The following GRTP1 variants were observed in gnomAD, a reference collection of about 807,000 sequenced individuals.
The protein encoded by GRTP1 is growth hormone-regulated TBC protein 1.
In GRTP1, 56 loss-of-function variants were observed where a neutral mutation model predicts 38.1. That is an observed-to-expected ratio of 1.47 (90% confidence interval 1.19 to 1.84). The LOEUF (loss-of-function observed/expected upper bound fraction) is 1.84, where lower values mean the gene tolerates loss of function less well. Ranked by LOEUF, GRTP1 falls within the 40% of genes most tolerant of loss-of-function variation. The pLI is 0.00. For missense variants in GRTP1, 506 were observed against 453.9 expected (o/e 1.11, Z -1.04); for synonymous variants, 217 against 189.5 (o/e 1.14, Z -1.19).
intron 7 of GRTP1, 153 bp downstream of exon 7, chr13:113,325,508 G>A: frequency 6.7e-7 from 1 of 1,497,944 alleles, no homozygotes; most frequent in Non-Finnish European, 8.9e-7. Flanking sequence ...CAGGCGCAGG[G>A]GGCAGATGCA....
At chr13:113,355,055 C>G (rs1204615996) in intron 3 of GRTP1, 1 of 363,396 alleles carries the variant, frequency 2.8e-6, no homozygotes, top group Non-Finnish European at 5.0e-6. Context: ...CTCCCTGTCC[C>G]GCGAGTCTTC....
rs1555319060 is a variant in GRTP1, at chr13:113,352,384, A to ATG, written c.341-1412_341-1411insCA. On this transcript the variant is annotated intron_variant, in intron 3 of 7. Coordinates refer to ENST00000375431, the MANE Select transcript of GRTP1 (RefSeq NM_024719.4). ...TTTATATATATATATATATTTATAT[A>ATG]TATATTTAACACAGGGTCTCACTCT... 1.7e-4 allele frequency among the ~76,000 whole-genome samples: 22 copies of ATG among 130,872 alleles called. No individual in the cohort carries two copies. The Admixed American group carries it at 1.9e-3, about 11-fold the overall frequency. 85.9% of individuals were successfully genotyped at this position (130,872 alleles called of 152,430 possible).
In GRTP1 at chr13:113,363,856, C is replaced by G; in HGVS notation, c.87G>C (p.Glu29Asp). The change falls in exon 2 of 8, where the codon GAG (glutamate) becomes GAC (aspartate). Residue 29 changes from glutamate to aspartate, a missense_variant. Coordinates refer to ENST00000375431, the MANE Select transcript of GRTP1 (RefSeq NM_024719.4). ...TGACCAGGTAGCTGGAGAAAAACTT[C>G]TCGTAGGCGGCGTCGTCGAAGTCCT... is the stretch of plus-strand genomic sequence containing the variant. ...RPEDFDDAAYEKFFSSYLVTL... is the reference protein window; with the variant it reads ...RPEDFDDAAYDKFFSSYLVTL... 1 of 1,612,028 alleles carries G rather than the reference C, an allele frequency of 6.2e-7. No individual in the cohort carries two copies. The highest frequency in any genetic ancestry group is 2.2e-5 in the East Asian group (1 of 44,672).
In GRTP1 at chr13:113,348,033, C is replaced by A. The variant is rs983579493; in HGVS notation, c.465+2816G>T. The stretch of plus-strand genomic sequence containing the variant: ...GCGGACCTGGGAGGACCTGTCTGGC[C>A]GAGTGGACCCGGGAGGATCTCCGTG... On this transcript the variant is annotated intron_variant, in intron 4 of 7. Transcript: ENST00000375431. This position sits in a 1 kb window ranked among gnomAD's most constrained non-coding sequence, Gnocchi z 4.8. Among the ~76,000 whole-genome samples, 1 of 143,276 alleles carries A rather than the reference C, an allele frequency of 7.0e-6. No individual in the cohort carries two copies. The highest frequency in any genetic ancestry group is 2.2e-4 in the East Asian group (1 of 4,530). The allele number at this position is 143,276 out of a possible 152,430, so 94.0% of individuals were successfully genotyped here. A position where few individuals can be genotyped will look rare whatever the true frequency, so the allele number is the denominator to read the frequency against.
intron 7 of GRTP1, 27 bp from the exon 8 acceptor site, chr13:113,324,604 A>G (rs2042731964): frequency 6.4e-7 from 1 of 1,573,706 alleles, no homozygotes; most frequent in Non-Finnish European, 8.6e-7. Flanking sequence ...TAGTTTAAAA[A>G]CAAACCCAAC....
intron 2 of GRTP1, among the ~76,000 whole-genome samples, chr13:113,359,056 A>G (rs1025249713): frequency 1.3e-5 from 2 of 152,242 alleles, no homozygotes; most frequent in Non-Finnish European, 1.5e-5. Flanking sequence ...GAAGTACCTC[A>G]GCAATAAAAA....
chr13:113,349,200 T>C lies in GRTP1; in HGVS notation c.465+1649A>G, dbSNP rs1373436191. ...GTGTTTTTTTTTGTTTGTTTCTCGG[T>C]TTTTTTCAGACAGGGTCTTGCTCTG... On this transcript the variant is annotated intron_variant, in intron 4 of 7. Coordinates refer to ENST00000375431, the MANE Select transcript of GRTP1 (RefSeq NM_024719.4). This position sits in a 1 kb window ranked among gnomAD's most constrained non-coding sequence, Gnocchi z 5.0. Among the ~76,000 whole-genome samples, 4 of 151,314 alleles carry C rather than the reference T, an allele frequency of 2.6e-5. No individual in the cohort carries two copies. Among genetic ancestry groups the C allele is most frequent in the Non-Finnish European group, 5.9e-5 (4 of 67,830 alleles).
chr13:113,356,520 C>T (rs764463222), intron 2 of GRTP1, among the ~76,000 whole-genome samples: 3 of 152,184 alleles, frequency 2.0e-5, no homozygotes, highest in Admixed American at 6.5e-5. Flanking sequence ...CCCACCTCGG[C>T]CTCCCAAAGT....
intron 3 of GRTP1, 161 bp from the exon 4 acceptor site, chr13:113,351,134 C>T (rs2043258398): frequency 5.6e-6 from 2 of 355,760 alleles, no homozygotes; most frequent in Admixed American, 6.4e-5. Context: ...GCGACAGGCT[C>T]ACTGGGCCAG....
chr13:113,347,558 CAGAGAG>C (rs2043178281), intron 4 of GRTP1, among the ~76,000 whole-genome samples: 1 of 82,318 alleles, frequency 1.2e-5, no homozygotes, highest in African/African-American at 4.6e-5. Context: ...ACCTCTGTGG[CAGAGAG>C]CAGACCCAGG....
chr13:113,337,626 G>GGT (rs1379583451), intron 5 of GRTP1, among the ~76,000 whole-genome samples: 1 of 152,364 alleles, frequency 6.6e-6, no homozygotes, highest in Non-Finnish European at 1.5e-5. Flanking sequence ...TAAGGTGCAA[G>GGT]GCCTGAGGCC....
At chr13:113,363,002 G>A (rs2043525354) in intron 2 of GRTP1, among the ~76,000 whole-genome samples, 1 of 152,220 alleles carries the variant, frequency 6.6e-6, no homozygotes, top group African/African-American at 2.4e-5. Flanking sequence ...TGAAAAATCC[G>A]TTGCAGGGAG....
intron 5 of GRTP1, among the ~76,000 whole-genome samples, chr13:113,326,490 C>A (rs1199416878): frequency 6.7e-6 from 1 of 149,480 alleles, no homozygotes; most frequent in Non-Finnish European, 1.5e-5. Context: ...GCTGACATGG[C>A]TGAAACCCCG....
In GRTP1 at chr13:113,325,120, G is replaced by A. The variant is rs1304107739; in HGVS notation, c.921+541C>T. ...GCTGGGACTGCAGGCGTGAGCCACC[G>A]CGCCCGGCCAACATGGTCTTCTCTT... On this transcript the variant is annotated intron_variant, in intron 7 of 7. Transcript: ENST00000375431. 1.2e-5 allele frequency: 12 copies of A among 1,014,544 alleles called. No homozygotes were observed. In the East Asian group the frequency reaches 2.8e-4, roughly 24 times the overall value. The allele number at this position is 1,014,544 out of a possible 1,614,324, so 62.8% of individuals were successfully genotyped here. A position where few individuals can be genotyped will look rare whatever the true frequency, so the allele number is the denominator to read the frequency against.
intron 5 of GRTP1, among the ~76,000 whole-genome samples, chr13:113,330,617 T>C (rs2042850979): frequency 1.6e-5 from 2 of 121,772 alleles, no homozygotes; most frequent in Non-Finnish European, 1.8e-5. Context: ...GGAGCCCAGG[T>C]GTGTGCATGG....
chr13:113,338,154 C>T lies in GRTP1; in HGVS notation c.562+6709G>A, dbSNP rs531831757. Among the ~76,000 whole-genome samples, 5 of 152,300 alleles carry T rather than the reference C, an allele frequency of 3.3e-5. No individual in the cohort carries two copies. In the East Asian group the frequency reaches 5.8e-4, roughly 18 times the overall value. On this transcript the variant is annotated intron_variant, in intron 5 of 7. Coordinates refer to ENST00000375431, the MANE Select transcript of GRTP1 (RefSeq NM_024719.4). The stretch of plus-strand genomic sequence containing the variant: ...GTCAACCTCCTCCTCTGAGGAGGCC[C>T]GGGACCCATCGCCCGCCCGGGGAGC...
chr13:113,334,280 A>ACTGCCTCCCCCCCCCCCCCCCC (rs1202504022), intron 5 of GRTP1, among the ~76,000 whole-genome samples: 1 of 142,484 alleles, frequency 7.0e-6, no homozygotes. Context: ...CACTGCCACG[A>ACTGCCTCCCCCCCCCCCCCCCC]CAGCCTCCCG....
At position 113,358,436 on chromosome 13, in the gene GRTP1, CT is replaced by C. The variant is rs373284691; in HGVS notation, c.182-2956del. ...GATTCCTATATGCACCTCTTTATCA[CT>C]GTTCCAGGAAAAAATACTTTGTAGA... is the stretch of plus-strand genomic sequence containing the variant. On this transcript the variant is annotated intron_variant, in intron 2 of 7. Coordinates refer to ENST00000375431, the MANE Select transcript of GRTP1 (RefSeq NM_024719.4). Among the ~76,000 whole-genome samples, 441 of 152,270 alleles carry C rather than the reference CT, an allele frequency of 2.9e-3. 3 individuals are homozygous for C. The highest frequency in any genetic ancestry group is 0.015 in the South Asian group (70 of 4,822).
chr13:113,346,130 G>GCCT lies in GRTP1; in HGVS notation c.466-1172_466-1171insAGG, dbSNP rs1566429223. ...AGAACAGACCCGGGAGGACCTCTGT[G>GCCT]GACAAGAGCAGACCCGGGAGGACCT... On this transcript the variant is annotated intron_variant, in intron 4 of 7. Transcript: ENST00000375431. Among the ~76,000 whole-genome samples, 55 of 134,204 alleles carry GCCT rather than the reference G, an allele frequency of 4.1e-4. 1 individual carries two copies. Among genetic ancestry groups the GCCT allele is most frequent in the Admixed American group, 6.0e-4 (8 of 13,272 alleles). The allele number at this position is 134,204 out of a possible 152,430, so 88.0% of individuals were successfully genotyped here.
Sources: allele counts gnomAD v4.1 joint callset (sites outside exome capture counted in the v4.1 genomes callset), GRCh38; gene constraint gnomAD v4.1.1; non-coding constraint Gnocchi (gnomAD v3.1); transcripts MANE v1.5; gene names NCBI Gene and HGNC (gene_info 2026-07-23, HGNC 2026-07-21).